SCAF8: variants seen among roughly 807,000 people sequenced by gnomAD.
SCAF8 encodes the protein SR-related CTD associated factor 8.
SCAF8 carries 23 observed loss-of-function variants against 140.5 expected under a neutral mutation model. The ratio of observed to expected loss-of-function variants is 0.16; its 90% confidence interval spans 0.12 to 0.23. The LOEUF is 0.23. Among genes scored for constraint, SCAF8 ranks in the 10% least tolerant of loss-of-function variants. SCAF8 has a pLI of 1.00. For synonymous variants in SCAF8, 575 were observed against 528.9 expected, an observed-to-expected ratio of 1.09 and a Z score of -1.20; for missense variants, 1,397 against 1,555.7, an observed-to-expected ratio of 0.90 and a Z score of 1.72.
rs145438959 is a variant in SCAF8, at chr6:154,826,188, T to C, written c.2072-984T>C. 1.7e-3 allele frequency among the ~76,000 whole-genome samples: 257 copies of C among 152,222 alleles called. 1 individual carries two copies. The highest frequency in any genetic ancestry group is 0.01 in the Middle Eastern group (3 of 292). The stretch of plus-strand genomic sequence containing the variant: ...GATTTTAATAACTTTATTTTAAATA[T>C]TGAAAAGTTTAATTTTCTGTATTTG... On this transcript the variant is annotated intron_variant, in intron 17 of 19. Coordinates refer to ENST00000367178, the MANE Select transcript of SCAF8 (RefSeq NM_014892.5).
intron 15 of SCAF8, among the ~76,000 whole-genome samples, chr6:154,820,842 T>C (rs775000341): frequency 9.9e-5 from 15 of 152,192 alleles, no homozygotes; most frequent in Admixed American, 2.6e-4. Context: ...ATTATCTTTT[T>C]ATTTTAAAAG....
At chr6:154,799,867 C>G (rs1777719957) in intron 6 of SCAF8, among the ~76,000 whole-genome samples, 1 of 151,132 alleles carries the variant, frequency 6.6e-6, no homozygotes, top group Non-Finnish European at 1.5e-5. Context: ...TCATTGCAAC[C>G]TTGGCCTCCC....
At chr6:154,793,356 C>T (rs1326196291) in intron 5 of SCAF8, among the ~76,000 whole-genome samples, 1 of 151,340 alleles carries the variant, frequency 6.6e-6, no homozygotes, top group Non-Finnish European at 1.5e-5. Context: ...TTAACAAAAC[C>T]AAAATTTCAA....
At chr6:154,817,667 G>T (rs943821114) in intron 13 of SCAF8, among the ~76,000 whole-genome samples, 1 of 152,178 alleles carries the variant, frequency 6.6e-6, no homozygotes, top group African/African-American at 2.4e-5. Context: ...AGAGGCAGTA[G>T]CTTGAAGTGT....
At chr6:154,793,269 C>CAG (rs1173245796) in intron 5 of SCAF8, among the ~76,000 whole-genome samples, 1 of 152,036 alleles carries the variant, frequency 6.6e-6, no homozygotes, top group African/African-American at 2.4e-5. Context: ...ACTTCTTATA[C>CAG]TTGCATTTGT....
intron 1 of SCAF8, among the ~76,000 whole-genome samples, chr6:154,767,527 ATCTTTTTT>A (rs1776614420): frequency 1.0e-5 from 1 of 98,142 alleles, no homozygotes; most frequent in Non-Finnish European, 2.0e-5. Flanking sequence ...TGCTTCTGTT[ATCTTTTTT>A]TTTTTTTTTT....
intron 17 of SCAF8, among the ~76,000 whole-genome samples, chr6:154,826,882 GCTC>G (rs1167480068): frequency 6.6e-6 from 1 of 151,962 alleles, no homozygotes; most frequent in Non-Finnish European, 1.5e-5. Flanking sequence ...AGTTTACCTG[GCTC>G]CTATTAATTT....
At chr6:154,774,662 A>G (rs970655854) in intron 2 of SCAF8, among the ~76,000 whole-genome samples, 3 of 152,192 alleles carry the variant, frequency 2.0e-5, no homozygotes, top group African/African-American at 7.2e-5. Context: ...CCATTAAGGA[A>G]AACAGTTGTG....
intron 1 of SCAF8, among the ~76,000 whole-genome samples, chr6:154,743,662 CA>C (rs1408090111): frequency 2.6e-5 from 4 of 151,526 alleles, no homozygotes; most frequent in African/African-American, 9.7e-5. Context: ...GATTTCTGTA[CA>C]GTGATCAATG....
chr6:154,803,630 ATTTTTTC>A lies in SCAF8; in HGVS notation c.863+11_863+17del, dbSNP rs758350625. ...AAATTCCAGCTTCACAACTGTAAGA[ATTTTTTC>A]TTTATAGCCATAGTTTTTTTATATT... On this transcript the variant is annotated splice_region_variant and intron_variant, in intron 8 of 19. Transcript: ENST00000367178. 4 of 1,591,072 alleles carry A rather than the reference ATTTTTTC, an allele frequency of 2.5e-6. No individual in the cohort carries two copies. The South Asian group carries it at 4.5e-5, about 18-fold the overall frequency.
intron 18 of SCAF8, 125 bp from the exon 19 acceptor site, chr6:154,830,797 T>C (rs1468572186): frequency 1.2e-5 from 7 of 589,712 alleles, no homozygotes; most frequent in Non-Finnish European, 2.1e-5. Flanking sequence ...ATTTGAGCAT[T>C]GGTTATTATA....
chr6:154,734,144 G>A (rs1213202884), intron 1 of SCAF8, among the ~76,000 whole-genome samples: 1 of 152,220 alleles, frequency 6.6e-6, no homozygotes, highest in Non-Finnish European at 1.5e-5. Flanking sequence ...CTGGGGCGGA[G>A]GGAGGTTCTG....
chr6:154,764,923 G>A (rs1583014189), intron 1 of SCAF8, among the ~76,000 whole-genome samples: 1 of 152,098 alleles, frequency 6.6e-6, no homozygotes, highest in Admixed American at 6.6e-5. Flanking sequence ...AATGAGAATT[G>A]GAATGAAGCT....
At chr6:154,815,333 G>T (rs1458348005) in intron 12 of SCAF8, among the ~76,000 whole-genome samples, 1 of 152,060 alleles carries the variant, frequency 6.6e-6, no homozygotes, top group African/African-American at 2.4e-5. Flanking sequence ...TTCACAAATG[G>T]GATTACGGTG....
intron 1 of SCAF8, among the ~76,000 whole-genome samples, chr6:154,753,691 T>C (rs2114811904): frequency 6.6e-6 from 1 of 152,296 alleles, no homozygotes; most frequent in East Asian, 1.9e-4. Flanking sequence ...TTATACATAT[T>C]TATGAAGAAA....
At chr6:154,795,498 A>G (rs1777576748) in intron 6 of SCAF8, among the ~76,000 whole-genome samples, 1 of 152,222 alleles carries the variant, frequency 6.6e-6, no homozygotes, top group Non-Finnish European at 1.5e-5. Context: ...AAATTATCGT[A>G]GGTAGTGATT....
chr6:154,741,982 A>G (rs1183170339), intron 1 of SCAF8: 1 of 1,533,976 alleles, frequency 6.5e-7, no homozygotes, highest in Non-Finnish European at 8.7e-7. Context: ...CTGCTTGTAC[A>G]GACTGCTTTT....
intron 13 of SCAF8, among the ~76,000 whole-genome samples, chr6:154,818,250 A>T (rs765707590): frequency 1.3e-4 from 20 of 151,966 alleles, no homozygotes; most frequent in Non-Finnish European, 2.4e-4. Flanking sequence ...ATCGTGGCTT[A>T]TGATACCTAA....
At chr6:154,770,240 G>T (rs1288518225) in intron 1 of SCAF8, among the ~76,000 whole-genome samples, 3 of 151,962 alleles carry the variant, frequency 2.0e-5, no homozygotes, top group Non-Finnish European at 4.4e-5. Flanking sequence ...GATGACTTGA[G>T]CCCAGGAGTG....
Sources: gnomAD v4.1 joint callset for allele counts (sites outside exome capture counted in the v4.1 genomes callset) on GRCh38, gnomAD v4.1.1 for gene constraint, MANE v1.5 for transcripts, NCBI Gene and HGNC (gene_info 2026-07-23, HGNC 2026-07-21) for gene names.